Variants in ASB14 observed in about 807,000 individuals in gnomAD.
ASB14 encodes the protein ankyrin repeat and SOCS box containing 14.
Under a neutral mutation model 55.6 loss-of-function variants are expected in ASB14, and 63 were observed. That is an observed-to-expected ratio of 1.13 (90% CI 0.92 to 1.40). The LOEUF (loss-of-function observed/expected upper bound fraction) is 1.40. ASB14 is among the 40% of genes most tolerant of loss of function. The pLI, the probability that ASB14 is intolerant of heterozygous loss-of-function variation, is 0.00. For missense variants in ASB14, 724 were observed against 710.4 expected (o/e 1.02, Z -0.22); for synonymous variants, 256 against 259.9 (o/e 0.98, Z 0.15).
Position 57,288,195 on chromosome 3 carries a change from T to C in ASB14, c.270A>G (p.Ala90=). 1 of 1,537,004 alleles carries C rather than the reference T, an allele frequency of 6.5e-7. No homozygotes were observed. The highest frequency in any genetic ancestry group is 8.7e-7 in the Non-Finnish European group (1 of 1,146,604). The part of the protein sequence containing the change: ...EIGWIPLHKA[A]VQLNRKILEI... Reference sequence around the variant, plus strand: ...CCAAAATTTTCCTATTTAATTGCACTGCAGCCTTATGCAGAGGAATCCAGC... The same window carrying C: ...CCAAAATTTTCCTATTTAATTGCACCGCAGCCTTATGCAGAGGAATCCAGC... Residue 90 remains alanine (A), a synonymous_variant, in exon 4 of 11, where the codon GCA becomes GCG. Coordinates refer to ENST00000487349, the MANE Select transcript of ASB14 (RefSeq NM_001142733.3).
intron 1 of ASB14, 98 bp from the exon 2 acceptor site, chr3:57,292,202 A>C (rs1346650038): frequency 3.4e-6 from 3 of 887,810 alleles, no homozygotes; most frequent in Non-Finnish European, 4.6e-6. Context: ...TTCACTAAAA[A>C]ATTTCTATAA....
chr3:57,289,124 C>T lies in ASB14; in HGVS notation c.123-1G>A. The T allele has an allele frequency of 1.3e-6, 2 of 1,524,712 alleles. No homozygotes were observed. Among genetic ancestry groups the T allele is most frequent in the South Asian group, 1.2e-5 (1 of 83,704 alleles). The allele number at this position is 1,524,712 out of a possible 1,614,324, so 94.4% of individuals were successfully genotyped here. On this transcript the variant is annotated splice_acceptor_variant, in intron 2 of 10. Transcript: ENST00000487349. LOFTEE classifies it high-confidence loss of function. Reference sequence around the variant, plus strand: ...GTCAGCGCTCAAAAAGGAATGCAAACTGCAAAGAAAAAAATACATATGTAA... The same window carrying T: ...GTCAGCGCTCAAAAAGGAATGCAAATTGCAAAGAAAAAAATACATATGTAA...
At chr3:57,270,533 T>C (rs1037322253) in intron 10 of ASB14, 1 of 152,692 alleles carries the variant, frequency 6.5e-6, no homozygotes, top group Admixed American at 6.5e-5. Context: ...TTGTATTTTC[T>C]GCATTGTGTG....
intron 5 of ASB14, among the ~76,000 whole-genome samples, chr3:57,285,638 C>T (rs2061075242): frequency 6.6e-6 from 1 of 152,062 alleles, no homozygotes; most frequent in Non-Finnish European, 1.5e-5. Context: ...TTTGTTTTCC[C>T]TGGAGTTAAT....
At chr3:57,284,045 T>C (rs1355782138) in intron 5 of ASB14, among the ~76,000 whole-genome samples, 1 of 149,058 alleles carries the variant, frequency 6.7e-6, no homozygotes, top group African/African-American at 2.5e-5. Context: ...GTAAAGAAAA[T>C]GATTTTGTAG....
chr3:57,276,320 C>T lies in ASB14; in HGVS notation c.*22+208G>A, dbSNP rs556809744. On this transcript the variant is annotated intron_variant, in intron 10 of 10. Coordinates refer to ENST00000487349, the MANE Select transcript of ASB14 (RefSeq NM_001142733.3). ...TTCTTTTAGAGATGGGGTCTTGCTC[C>T]GGTCACCTAGGCTGGAGTGCAGTGG... Among the ~76,000 whole-genome samples the T allele has an allele frequency of 1.7e-4, 26 of 151,262 alleles. No individual in the cohort carries two copies. In the South Asian group the frequency reaches 2.5e-3, roughly 15 times the overall value.
chr3:57,284,379 C>T (rs1440108313), intron 5 of ASB14, among the ~76,000 whole-genome samples: 1 of 152,182 alleles, frequency 6.6e-6, no homozygotes, highest in East Asian at 1.9e-4. Context: ...ATCTTCCTGC[C>T]TCAGCCTCCC....
chr3:57,284,938 G>GTTT (rs1227123964), intron 5 of ASB14, among the ~76,000 whole-genome samples: 10 of 61,680 alleles, frequency 1.6e-4, no homozygotes, highest in African/African-American at 2.7e-4. Context: ...AATTTTCAGT[G>GTTT]TTGTTTTTTT....
At position 57,279,279 on chromosome 3, in the gene ASB14, T is replaced by A. The variant is rs1028220208; in HGVS notation, c.888-359A>T. ...AAGAGTTTTTCTTTTTTTTTTTTTT[T>A]TTTTTTTTTTTTTGAGACGGAGTTT... On this transcript the variant is annotated intron_variant, in intron 7 of 10. Coordinates refer to ENST00000487349, the MANE Select transcript of ASB14 (RefSeq NM_001142733.3). 4.6e-3 allele frequency among the ~76,000 whole-genome samples: 658 copies of A among 142,886 alleles called. 7 individuals are homozygous for A. The highest frequency in any genetic ancestry group is 0.016 in the East Asian group (81 of 4,914). 93.7% of individuals were successfully genotyped at this position (142,886 alleles called of 152,430 possible). A position where few individuals can be genotyped will look rare whatever the true frequency, so the allele number is the denominator to read the frequency against.
At chr3:57,279,017 A>C in intron 7 of ASB14, 97 bp from the exon 8 acceptor site, 2 of 1,170,870 alleles carry the variant, frequency 1.7e-6, no homozygotes, top group Non-Finnish European at 2.4e-6. Context: ...TAGTATCAGT[A>C]TTCAGGGGGC....
intron 5 of ASB14, among the ~76,000 whole-genome samples, chr3:57,284,458 G>A (rs1424871836): frequency 6.6e-6 from 1 of 152,132 alleles, no homozygotes; most frequent in East Asian, 1.9e-4. Flanking sequence ...CCCTCTTCAA[G>A]ATTCACTTTG....
Position 57,289,099 on chromosome 3 carries a change from G to A in ASB14, c.147C>T (p.Asp49=), listed in dbSNP as rs1265738791. The A allele has an allele frequency of 2.6e-6, 4 of 1,530,132 alleles. No homozygotes were observed. Among genetic ancestry groups the A allele is most frequent in the Non-Finnish European group, 3.5e-6 (4 of 1,140,586 alleles). The allele number at this position is 1,530,132 out of a possible 1,614,324, so 94.8% of individuals were successfully genotyped here. A position where few individuals can be genotyped will look rare whatever the true frequency, so the allele number is the denominator to read the frequency against. ...CTATTGTTTCAACTATCTTCTTATA[G>A]TCAGCGCTCAAAAAGGAATGCAAAC... ...DESLHSFLSA[D]YKKIVETIEK... Residue 49 remains aspartate (D), a synonymous_variant, in exon 3 of 11, where the codon GAC becomes GAT. Coordinates refer to ENST00000487349, the MANE Select transcript of ASB14 (RefSeq NM_001142733.3).
Position 57,288,436 on chromosome 3 carries a change from CAGTA to C in ASB14, c.179-154_179-151del, listed in dbSNP as rs572554812. ...TGAAAGACAAATGGCATATGACAGA[CAGTA>C]AGGCCGGTCATGTAGCGTTCCGCAC... On this transcript the variant is annotated intron_variant, in intron 3 of 10. Coordinates refer to ENST00000487349, the MANE Select transcript of ASB14 (RefSeq NM_001142733.3). 35 of 892,336 alleles carry C rather than the reference CAGTA, an allele frequency of 3.9e-5. No homozygotes were observed. In the Middle Eastern group the frequency reaches 2.2e-3, roughly 56 times the overall value. The allele number at this position is 892,336 out of a possible 1,614,324, so 55.3% of individuals were successfully genotyped here.
At chr3:57,281,351 G>A (rs1025322165) in intron 6 of ASB14, among the ~76,000 whole-genome samples, 1 of 152,094 alleles carries the variant, frequency 6.6e-6, no homozygotes, top group Admixed American at 6.6e-5. Context: ...AGGGGGGCTG[G>A]GGTTGTAAGG....
rs1449045951 is a variant in ASB14, at chr3:57,289,078, T to G, written c.168A>C (p.Thr56=). The G allele has an allele frequency of 1.3e-6, 2 of 1,526,896 alleles. No individual in the cohort carries two copies. The highest frequency in any genetic ancestry group is 3.9e-5 in the Admixed American group (2 of 50,944). 94.6% of individuals were successfully genotyped at this position (1,526,896 alleles called of 1,614,324 possible). ...GATAGGAGTACTTAACTTTCTCTAT[T>G]GTTTCAACTATCTTCTTATAGTCAG... ...LSADYKKIVE[T]IEKGKEDALS... Residue 56 remains threonine, a synonymous_variant, in exon 3 of 11, where the codon ACA becomes ACC. Transcript: ENST00000487349.
At chr3:57,281,673 C>T (rs1282186001) in intron 6 of ASB14, among the ~76,000 whole-genome samples, 1 of 152,118 alleles carries the variant, frequency 6.6e-6, no homozygotes, top group African/African-American at 2.4e-5. Flanking sequence ...TAACAACCCC[C>T]AGCAGTAGGT....
At chr3:57,280,552 A>T in intron 6 of ASB14, 79 bp from the exon 7 acceptor site, 1 of 1,334,264 alleles carries the variant, frequency 7.5e-7, no homozygotes, top group Non-Finnish European at 1.0e-6. Context: ...ATATATCCCC[A>T]TCACCAAAAA....
At position 57,276,647 on chromosome 3, in the gene ASB14, A is replaced by T. The variant is rs2060989421; in HGVS notation, c.1667T>A (p.Phe556Tyr). The change falls in exon 10 of 11, where the codon TTC becomes TAC. Residue 556 changes from phenylalanine to tyrosine, a missense_variant. Phe to Tyr is a conservative substitution (Grantham distance 22). Transcript: ENST00000487349. ...ATTGGGTAATGGAAGAAATGACATG[A>T]AGACAGGGCAGCGCAAATGTAACCG... ...MGRLHLRCPV[F>Y]MSFLPLPNRL... 4 of 1,613,942 alleles carry T rather than the reference A, an allele frequency of 2.5e-6. No individual in the cohort carries two copies. The South Asian group carries it at 4.4e-5, about 18-fold the overall frequency.
intron 4 of ASB14, 47 bp from the exon 5 acceptor site, chr3:57,288,106 T>C (rs2061095302): frequency 6.5e-7 from 1 of 1,535,412 alleles, no homozygotes; most frequent in Non-Finnish European, 8.7e-7. Context: ...TAGAAATGAA[T>C]GTTAAATTTA....
Sources: allele counts gnomAD v4.1 joint callset (sites outside exome capture counted in the v4.1 genomes callset), GRCh38; gene constraint gnomAD v4.1.1; transcripts MANE v1.5; gene names NCBI Gene and HGNC (gene_info 2026-07-23, HGNC 2026-07-21).